SP4: variants seen among roughly 807,000 people sequenced by gnomAD.
SP4 encodes Sp4 transcription factor.
Under a neutral mutation model 72.8 loss-of-function variants are expected in SP4, and 19 were observed. The observed-to-expected ratio is 0.26, with a 90% CI of 0.18 to 0.38. The LOEUF (loss-of-function observed/expected upper bound fraction) is 0.38. SP4 is among the 10% of genes least tolerant of loss of function. SP4 has a pLI of 1.00. For synonymous variants in SP4, 395 were observed against 333.1 expected (o/e 1.19, Z -2.02); for missense variants, 1,008 against 926.3 (o/e 1.09, Z -1.14).
In SP4 at chr7:21,514,822, A is replaced by G; in HGVS notation, c.*3553A>G. 1 of 152,194 alleles carries G rather than the reference A, an allele frequency of 6.6e-6. No homozygotes were observed. The highest frequency in any genetic ancestry group is 1.9e-4 in the East Asian group (1 of 5,194). 9.4% of individuals were successfully genotyped at this position (152,194 alleles called of 1,614,324 possible). A position where few individuals can be genotyped will look rare whatever the true frequency, so the allele number is the denominator to read the frequency against. On this transcript the variant is annotated 3_prime_UTR_variant, in exon 6 of 6. Transcript: ENST00000222584. ...AATAAATTATTTGAACTATCAACCT[A>G]CTTATCATGAACACTGGAGAGTTAA...
intron 3 of SP4, among the ~76,000 whole-genome samples, chr7:21,431,705 A>C (rs1409721030): frequency 6.6e-6 from 1 of 152,164 alleles, no homozygotes; most frequent in East Asian, 1.9e-4. Context: ...GTCTTATTGT[A>C]CCTAATAACT....
intron 5 of SP4, among the ~76,000 whole-genome samples, chr7:21,495,532 A>T (rs1158433497): frequency 1.3e-5 from 2 of 152,154 alleles, no homozygotes; most frequent in Non-Finnish European, 2.9e-5. Context: ...TAAAACCATA[A>T]TGCAATACTA....
Position 21,456,350 on chromosome 7 carries a change from GGTAA to G in SP4, c.1679-20726_1679-20723del, listed in dbSNP as rs1783764797. ...GCATTAACAGGAACAAAAGGTGTAT[GGTAA>G]GTCATAAGGAGCTCGCAGAGCCAGG... On this transcript the variant is annotated intron_variant, in intron 3 of 5. Transcript: ENST00000222584. 5.9e-5 allele frequency among the ~76,000 whole-genome samples: 9 copies of G among 152,308 alleles called. No homozygotes were observed. In the South Asian group the frequency reaches 1.9e-3, roughly 32 times the overall value.
intron 5 of SP4, among the ~76,000 whole-genome samples, chr7:21,483,849 G>A (rs1784749244): frequency 6.6e-6 from 1 of 150,516 alleles, no homozygotes; most frequent in Non-Finnish European, 1.5e-5. Flanking sequence ...TAGAATTTGG[G>A]ACTCAGTATT....
intron 3 of SP4, among the ~76,000 whole-genome samples, chr7:21,449,259 C>T (rs1783517311): frequency 2.0e-5 from 3 of 152,254 alleles, no homozygotes; most frequent in African/African-American, 7.2e-5. Context: ...ATCTCGCCAA[C>T]AGTTTCTACT....
rs1430204561 is a variant in SP4, at chr7:21,512,064, T to C, written c.*795T>C. On this transcript the variant is annotated 3_prime_UTR_variant, in exon 6 of 6. Coordinates refer to ENST00000222584, the MANE Select transcript of SP4 (RefSeq NM_003112.5). The stretch of plus-strand genomic sequence containing the variant: ...AAATGAGGCATCTTAACATGCAATG[T>C]TCTAAAGTTAGGATTGATTATATTC... 6.6e-6 allele frequency: 1 copy of C among 152,646 alleles called. No individual in the cohort carries two copies. Among genetic ancestry groups the C allele is most frequent in the East Asian group, 1.9e-4 (1 of 5,198 alleles). The allele number at this position is 152,646 out of a possible 1,614,324, so 9.5% of individuals were successfully genotyped here.
At chr7:21,449,118 C>G (rs984466245) in intron 3 of SP4, among the ~76,000 whole-genome samples, 2 of 152,176 alleles carry the variant, frequency 1.3e-5, no homozygotes, top group African/African-American at 4.8e-5. Flanking sequence ...TAATCACCCC[C>G]CAGGGCGAGG....
intron 5 of SP4, among the ~76,000 whole-genome samples, chr7:21,496,885 T>C (rs1434355463): frequency 1.3e-5 from 2 of 152,196 alleles, no homozygotes; most frequent in Non-Finnish European, 2.9e-5. Context: ...AGGCACAGAT[T>C]AGTTAGGGCC....
intron 3 of SP4, among the ~76,000 whole-genome samples, chr7:21,442,727 A>G (rs1365047890): frequency 6.6e-6 from 1 of 152,130 alleles, no homozygotes; most frequent in Admixed American, 6.5e-5. Context: ...TTGAAATTCA[A>G]GTAGTTTTTT....
At chr7:21,439,941 A>G (rs1783186477) in intron 3 of SP4, among the ~76,000 whole-genome samples, 1 of 152,326 alleles carries the variant, frequency 6.6e-6, no homozygotes, top group African/African-American at 2.4e-5. Context: ...TTTAAGACGC[A>G]AGAATCTTTC....
chr7:21,493,833 A>C (rs990585060), intron 5 of SP4, among the ~76,000 whole-genome samples: 1 of 152,226 alleles, frequency 6.6e-6, no homozygotes. Flanking sequence ...TTATTCTATG[A>C]GGCTCACATT....
Position 21,499,793 on chromosome 7 carries a change from A to G in SP4, c.2108-11229A>G, listed in dbSNP as rs75194503. ...AAATGACAAACTTAGAAATAGCATT[A>G]GTAATTTAAAAAGTATGTTTCATAC... On this transcript the variant is annotated intron_variant, in intron 5 of 5. Transcript: ENST00000222584. Among the ~76,000 whole-genome samples the G allele has an allele frequency of 1.0e-3, 154 of 152,368 alleles. 4 individuals are homozygous for G. The East Asian group carries it at 0.028, about 28-fold the overall frequency.
At chr7:21,432,650 T>G (rs1782903091) in intron 3 of SP4, among the ~76,000 whole-genome samples, 1 of 152,168 alleles carries the variant, frequency 6.6e-6, no homozygotes, top group Non-Finnish European at 1.5e-5. Context: ...TTTTGAATTG[T>G]GGGGGTCAAG....
chr7:21,494,772 CT>C (rs1327321298), intron 5 of SP4, among the ~76,000 whole-genome samples: 7 of 152,108 alleles, frequency 4.6e-5, no homozygotes, highest in Admixed American at 4.6e-4. Flanking sequence ...AGATAACAAG[CT>C]GATTCTAAAA....
rs912647941 is a variant in SP4 at position 21,429,981 on chromosome 7, C to G, written c.816C>G (p.Asn272Lys). 1 of 1,614,064 alleles carries G rather than the reference C, an allele frequency of 6.2e-7. No homozygotes were observed. The highest frequency in any genetic ancestry group is 1.3e-5 in the African/African-American group (1 of 74,922). Residue 272 changes from asparagine to lysine, a missense_variant, in exon 3 of 6, where the codon AAC becomes AAG. Physicochemically the swap from Asn to Lys is moderately conservative, Grantham distance 94 (BLOSUM62 0). This residue lies in a region of SP4 where 893 missense variants were observed against 743.3 expected (regional missense o/e 1.20). Transcript: ENST00000222584. ...TGACTCTAGCTTTGCCAGTGATAAACAACGTGGCTGCCGGAGGAGGGACTG... is the reference window on the plus strand; with the variant it reads ...TGACTCTAGCTTTGCCAGTGATAAAGAACGTGGCTGCCGGAGGAGGGACTG... ...GGVTLALPVI[N>K]NVAAGGGTGQ...
chr7:21,511,271 A>G lies in SP4; in HGVS notation c.*2A>G, dbSNP rs967364121. On this transcript the variant is annotated 3_prime_UTR_variant, in exon 6 of 6. Coordinates refer to ENST00000222584, the MANE Select transcript of SP4 (RefSeq NM_003112.5). ...TCAACCAACATGGAAGAATTCTGAA[A>G]AGTTATTTATAACAGAGACCTCTAG... The G allele has an allele frequency of 2.5e-6, 4 of 1,613,376 alleles. No homozygotes were observed. Among genetic ancestry groups the G allele is most frequent in the African/African-American group, 2.7e-5 (2 of 74,910 alleles).
chr7:21,510,543 AAAG>A (rs1782114842), intron 5 of SP4, among the ~76,000 whole-genome samples: 1 of 152,202 alleles, frequency 6.6e-6, no homozygotes, highest in South Asian at 2.1e-4. Flanking sequence ...TTTGCCTTGT[AAAG>A]AACTCAGTAT....
intron 5 of SP4, among the ~76,000 whole-genome samples, chr7:21,503,501 A>G (rs1248060296): frequency 6.6e-6 from 1 of 152,138 alleles, no homozygotes; most frequent in Admixed American, 6.6e-5. Context: ...GGGTGAGATA[A>G]TCCCATTTAA....
At chr7:21,487,335 C>CCTCTCTCTCTCTTTCTCTGT (rs1317819871) in intron 5 of SP4, among the ~76,000 whole-genome samples, 173 of 149,160 alleles carry the variant, frequency 1.2e-3, no homozygotes, top group African/African-American at 4.2e-3. Context: ...CACCTCTCTC[C>CCTCTCTCTCTCTTTCTCTGT]CTCTCTCTCT....
Sources: allele counts gnomAD v4.1 joint callset (sites outside exome capture counted in the v4.1 genomes callset), GRCh38; gene constraint gnomAD v4.1.1; regional missense constraint gnomAD v4.1.1; transcripts MANE v1.5; gene names NCBI Gene and HGNC (gene_info 2026-07-23, HGNC 2026-07-21).